Variants in PIK3R3 observed in about 807,000 individuals in gnomAD.
The protein encoded by PIK3R3 is phosphatidylinositol 3-kinase regulatory subunit gamma.
PIK3R3 carries 64 observed loss-of-function variants against 62.9 expected under a neutral mutation model. The observed-to-expected ratio is 1.02, with a 90% CI of 0.83 to 1.25. PIK3R3 has a LOEUF of 1.25. Ranked by LOEUF, PIK3R3 falls within the 50% of genes most tolerant of loss-of-function variation. PIK3R3 has a pLI of 0.00. For missense variants in PIK3R3, 614 were observed against 561.6 expected, an observed-to-expected ratio of 1.09 and a Z score of -0.94; for synonymous variants, 165 against 189.0, an observed-to-expected ratio of 0.87 and a Z score of 1.04.
At chr1:46,141,838 ACTT>A in the PIK3R3 span, among the ~76,000 whole-genome samples, 1 of 152,142 alleles carries the variant, frequency 6.6e-6, no homozygotes, top group African/African-American at 2.4e-5. Flanking sequence ...ACAACAGTCT[ACTT>A]CTGCTCTTAT....
At chr1:46,167,982 C>G in the PIK3R3 span, among the ~76,000 whole-genome samples, 1 of 152,020 alleles carries the variant, frequency 6.6e-6, no homozygotes, top group African/African-American at 2.4e-5. Flanking sequence ...ATGGTGAAAC[C>G]CTGTCTCTAC....
the PIK3R3 span, among the ~76,000 whole-genome samples, chr1:46,159,138 A>G: frequency 6.6e-6 from 1 of 151,974 alleles, no homozygotes; most frequent in Non-Finnish European, 1.5e-5. Flanking sequence ...AATGGCAAAT[A>G]ATCCCCATGG....
chr1:46,071,730 T>TATATAGAG lies in PIK3R3; in HGVS notation c.315-4640_315-4639insCTCTATAT, dbSNP rs1163343399. On this transcript the variant is annotated intron_variant, in intron 3 of 9. Transcript: ENST00000262741. ...AAAAAAAAATATATATATATATATATAGAGAGAGAGAGAGAGAGAGAGAGA... is the reference window on the plus strand; with the variant it reads ...AAAAAAAAATATATATATATATATATATATAGAGAGAGAGAGAGAGAGAGAGAGAGAGA... Among the ~76,000 whole-genome samples, 75 of 59,050 alleles carry TATATAGAG rather than the reference T, an allele frequency of 1.3e-3. 1 individual carries two copies. Among genetic ancestry groups the TATATAGAG allele is most frequent in the African/African-American group, 4.4e-3 (56 of 12,666 alleles). 38.7% of individuals were successfully genotyped at this position (59,050 alleles called of 152,430 possible). A position where few individuals can be genotyped will look rare whatever the true frequency, so the allele number is the denominator to read the frequency against.
Position 46,044,094 on chromosome 1 carries a change from T to C in PIK3R3, c.1188-223A>G, listed in dbSNP as rs1241398387. Among the ~76,000 whole-genome samples, 2 of 143,388 alleles carry C rather than the reference T, an allele frequency of 1.4e-5. No homozygotes were observed. Among genetic ancestry groups the C allele is most frequent in the East Asian group, 4.1e-4 (2 of 4,822 alleles). The allele number at this position is 143,388 out of a possible 152,430, so 94.1% of individuals were successfully genotyped here. A position where few individuals can be genotyped will look rare whatever the true frequency, so the allele number is the denominator to read the frequency against. On this transcript the variant is annotated intron_variant, in intron 9 of 9. Coordinates refer to ENST00000262741, the MANE Select transcript of PIK3R3 (RefSeq NM_003629.4). This position sits in a 1 kb window ranked among gnomAD's most constrained non-coding sequence, Gnocchi z 4.2. ...TTTATTTATTTCTTTTTTTTTTTTT[T>C]AGACAGGGTCTCGCTCTATCACGAA...
At chr1:46,045,885 T>C in intron 9 of PIK3R3, 33 bp downstream of exon 9, 1 of 1,570,948 alleles carries the variant, frequency 6.4e-7, no homozygotes, top group Non-Finnish European at 8.7e-7. Flanking sequence ...ATGCAAAAGA[T>C]TTCAAAAGGT....
At chr1:46,088,282 T>C (rs1413644004) in intron 1 of PIK3R3, among the ~76,000 whole-genome samples, 1 of 150,798 alleles carries the variant, frequency 6.6e-6, no homozygotes, top group Non-Finnish European at 1.5e-5. Flanking sequence ...AAATTACATG[T>C]TACATATATT....
intron 5 of PIK3R3, 56 bp downstream of exon 5, chr1:46,065,998 T>A: frequency 1.3e-6 from 2 of 1,519,812 alleles, no homozygotes; most frequent in Non-Finnish European, 1.8e-6. Context: ...GATCGAAAAT[T>A]TGATGTAACT....
chr1:46,090,146 A>C (rs1651478260), intron 1 of PIK3R3, among the ~76,000 whole-genome samples: 1 of 152,238 alleles, frequency 6.6e-6, no homozygotes, highest in African/African-American at 2.4e-5. Context: ...AAATAAAAAG[A>C]AACCTAGAGT....
the PIK3R3 span, among the ~76,000 whole-genome samples, chr1:46,139,596 T>C: frequency 1.3e-5 from 2 of 152,194 alleles, no homozygotes; most frequent in Non-Finnish European, 2.9e-5. Context: ...CATGTGCCAC[T>C]GTGCCCGGCC....
At chr1:46,126,770 CAA>C (rs1248470660) in intron 1 of PIK3R3, among the ~76,000 whole-genome samples, 1 of 137,612 alleles carries the variant, frequency 7.3e-6, no homozygotes, top group Non-Finnish European at 1.6e-5. Flanking sequence ...GACCCTGTCT[CAA>C]AAAAAAAAGC....
In PIK3R3 at chr1:46,052,166, T is replaced by A. The variant is rs77176171; in HGVS notation, c.941+3629A>T. On this transcript the variant is annotated intron_variant, in intron 7 of 9. Coordinates refer to ENST00000262741, the MANE Select transcript of PIK3R3 (RefSeq NM_003629.4). ...AAAAAAATTAAATAAAATAAATAAC[T>A]AAGAATAAAATAGAACAATTATAAC... Among the ~76,000 whole-genome samples the A allele has an allele frequency of 5.5e-4, 83 of 151,984 alleles. No individual in the cohort carries two copies. The East Asian group carries it at 0.013, about 24-fold the overall frequency.
intron 7 of PIK3R3, among the ~76,000 whole-genome samples, chr1:46,053,219 A>G (rs1028305167): frequency 6.6e-6 from 1 of 151,902 alleles, no homozygotes; most frequent in African/African-American, 2.4e-5. Context: ...GTCATCCATG[A>G]TGTTATCTAA....
At chr1:46,143,004 A>G in the PIK3R3 span, among the ~76,000 whole-genome samples, 2 of 152,176 alleles carry the variant, frequency 1.3e-5, no homozygotes, top group Non-Finnish European at 2.9e-5. Context: ...TCCTGTGTAG[A>G]TTTGTGTAGA....
chr1:46,142,743 G>A, the PIK3R3 span, among the ~76,000 whole-genome samples: 1 of 151,952 alleles, frequency 6.6e-6, no homozygotes. Flanking sequence ...GTAATTGCAG[G>A]CTGGCCTAAT....
At chr1:46,140,996 G>T in the PIK3R3 span, among the ~76,000 whole-genome samples, 1 of 152,008 alleles carries the variant, frequency 6.6e-6, no homozygotes, top group Admixed American at 6.6e-5. Context: ...GAGTAACTGG[G>T]ATCACAGGTG....
At chr1:46,146,369 C>A in the PIK3R3 span, among the ~76,000 whole-genome samples, 1 of 152,140 alleles carries the variant, frequency 6.6e-6, no homozygotes, top group African/African-American at 2.4e-5. Flanking sequence ...CACTTACAGT[C>A]TATACATTTT....
upstream of PIK3R3, among the ~76,000 whole-genome samples, chr1:46,133,329 C>T (rs909786508): frequency 2.6e-5 from 4 of 152,242 alleles, no homozygotes; most frequent in East Asian, 3.8e-4. Flanking sequence ...GAGGCTTGGT[C>T]CGCCCGGACG....
the PIK3R3 span, among the ~76,000 whole-genome samples, chr1:46,164,646 A>C: frequency 6.6e-6 from 1 of 152,084 alleles, no homozygotes; most frequent in Non-Finnish European, 1.5e-5. Flanking sequence ...AACAAAAAAA[A>C]CTGGCCTCAA....
At chr1:46,127,091 T>C (rs867532530) in intron 1 of PIK3R3, among the ~76,000 whole-genome samples, 24 of 150,802 alleles carry the variant, frequency 1.6e-4, no homozygotes, top group Middle Eastern at 3.7e-3. Flanking sequence ...TCCCAGCATT[T>C]TGGGAGGCTG....
Sources: allele counts gnomAD v4.1 joint callset (sites outside exome capture counted in the v4.1 genomes callset), GRCh38; gene constraint gnomAD v4.1.1; non-coding constraint Gnocchi (gnomAD v3.1); transcripts MANE v1.5; gene names NCBI Gene and HGNC (gene_info 2026-07-23, HGNC 2026-07-21).